COA7: variants seen among roughly 807,000 people sequenced by gnomAD.
COA7 encodes cytochrome c oxidase assembly factor 7, also known as Sel1 repeat containing 1.
Under a neutral mutation model 21.0 loss-of-function variants are expected in COA7, and 12 were observed. That is an observed-to-expected ratio of 0.57 (90% CI 0.37 to 0.92). The LOEUF is 0.92. Among genes scored for constraint, COA7 ranks in the 40% least tolerant of loss-of-function variants. COA7 has a pLI of 0.01. For synonymous variants in COA7, 95 were observed against 107.4 expected (o/e 0.88, Z 0.72); for missense variants, 240 against 286.1 (o/e 0.84, Z 1.16).
chr1:52,693,605 TAAA>T lies in COA7; in HGVS notation c.107-741_107-739del, dbSNP rs565539055. ...TGGGTGACAGAACGAGACTCTGTCT[TAAA>T]AAAAAAAAAAAAAAGAAAGAAAGAA... On this transcript the variant is annotated intron_variant, in intron 1 of 2. Transcript: ENST00000371538. Among the ~76,000 whole-genome samples, 35 of 117,634 alleles carry T rather than the reference TAAA, an allele frequency of 3.0e-4. No homozygotes were observed. In the South Asian group the frequency reaches 6.5e-3, roughly 22 times the overall value. 77.2% of individuals were successfully genotyped at this position (117,634 alleles called of 152,430 possible).
intron 2 of COA7, 47 bp from the exon 3 acceptor site, chr1:52,688,215 A>G (rs1411442158): frequency 2.0e-6 from 3 of 1,494,304 alleles, no homozygotes; most frequent in Non-Finnish European, 2.7e-6. Flanking sequence ...CCAGGGCACA[A>G]CCTAAATGTC....
intron 2 of COA7, among the ~76,000 whole-genome samples, chr1:52,688,513 G>C (rs1326737459): frequency 1.3e-5 from 2 of 152,160 alleles, no homozygotes; most frequent in African/African-American, 4.8e-5. Flanking sequence ...CTCCCAAAGT[G>C]CTGGAATTAC....
intron 1 of COA7, among the ~76,000 whole-genome samples, chr1:52,693,450 A>T (rs978564252): frequency 6.6e-6 from 1 of 151,804 alleles, no homozygotes; most frequent in South Asian, 2.1e-4. Flanking sequence ...GGAAAAATAT[A>T]AAAAAATTAG....
At chr1:52,695,396 C>T (rs534860093) in intron 1 of COA7, among the ~76,000 whole-genome samples, 1 of 151,498 alleles carries the variant, frequency 6.6e-6, no homozygotes, top group South Asian at 2.1e-4. Flanking sequence ...ACCTGGGAGG[C>T]AGAGGTTGCA....
chr1:52,694,190 T>C (rs1382980597), intron 1 of COA7, among the ~76,000 whole-genome samples: 1 of 152,030 alleles, frequency 6.6e-6, no homozygotes. Context: ...TTGGTTACAT[T>C]AAAAGCCCAG....
chr1:52,687,589 A>G lies in COA7; in HGVS notation c.*131T>C. On this transcript the variant is annotated 3_prime_UTR_variant, in exon 3 of 3. Coordinates refer to ENST00000371538, the MANE Select transcript of COA7 (RefSeq NM_023077.3). ...GTAGCTGGGGCAATGGATCCATGTA[A>G]ATGGAGCTACAAATTCAAGTCCCAA... 1 of 753,326 alleles carries G rather than the reference A, an allele frequency of 1.3e-6. No individual in the cohort carries two copies. Among genetic ancestry groups the G allele is most frequent in the Non-Finnish European group, 2.2e-6 (1 of 458,076 alleles). 46.7% of individuals were successfully genotyped at this position (753,326 alleles called of 1,614,324 possible).
rs116388169 is a variant in COA7 at position 52,690,644 on chromosome 1, T to A, written c.247+2083A>T. Among the ~76,000 whole-genome samples the A allele has an allele frequency of 4.1e-3, 620 of 151,606 alleles. 6 individuals carry two copies. The highest frequency in any genetic ancestry group is 0.014 in the African/African-American group (569 of 41,322). On this transcript the variant is annotated intron_variant, in intron 2 of 2. Coordinates refer to ENST00000371538, the MANE Select transcript of COA7 (RefSeq NM_023077.3). ...TAGAAAAAATATTAAAAGGTTAGAA[T>A]CATTTTTATTTTCATTTATTTACAT...
chr1:52,688,371 T>C (rs1644022433), intron 2 of COA7, among the ~76,000 whole-genome samples: 1 of 151,930 alleles, frequency 6.6e-6, no homozygotes, highest in African/African-American at 2.4e-5. Context: ...CCTCCCCAAG[T>C]AGCTGGGACT....
intron 1 of COA7, among the ~76,000 whole-genome samples, chr1:52,694,012 A>G (rs918769532): frequency 6.6e-6 from 1 of 152,248 alleles, no homozygotes; most frequent in Non-Finnish European, 1.5e-5. Flanking sequence ...CAACTCAGAA[A>G]CAGGAAGTGA....
intron 2 of COA7, among the ~76,000 whole-genome samples, chr1:52,690,772 G>A (rs938876462): frequency 3.3e-5 from 5 of 151,750 alleles, no homozygotes; most frequent in African/African-American, 9.7e-5. Flanking sequence ...TCCACCTCCC[G>A]GGCTCAAGTG....
Position 52,687,691 on chromosome 1 carries a change from T to C in COA7, c.*29A>G, listed in dbSNP as rs1407489972. On this transcript the variant is annotated 3_prime_UTR_variant, in exon 3 of 3. Coordinates refer to ENST00000371538, the MANE Select transcript of COA7 (RefSeq NM_023077.3). ...ACAGGAGCTGCCAGCCTCAAGCAGT[T>C]TGTTGCCTGGGAGGGAGGGTGGACC... 6.3e-7 allele frequency: 1 copy of C among 1,598,260 alleles called. No homozygotes were observed. Among genetic ancestry groups the C allele is most frequent in the Admixed American group, 1.7e-5 (1 of 59,260 alleles).
chr1:52,692,336 A>G (rs1331441180), intron 2 of COA7, among the ~76,000 whole-genome samples: 1 of 152,242 alleles, frequency 6.6e-6, no homozygotes, highest in Non-Finnish European at 1.5e-5. Flanking sequence ...GAGTACAAGG[A>G]GAAAAGACAG....
chr1:52,694,461 G>GGAAAAAAAAA (rs751466526), intron 1 of COA7, among the ~76,000 whole-genome samples: 1 of 65,000 alleles, frequency 1.5e-5, no homozygotes, highest in Non-Finnish European at 3.1e-5. Context: ...ACTCCATCTC[G>GGAAAAAAAAA]AAAAAAAAAA....
intron 1 of COA7, among the ~76,000 whole-genome samples, chr1:52,694,550 A>C (rs1003618924): frequency 3.9e-5 from 6 of 152,064 alleles, no homozygotes; most frequent in African/African-American, 1.4e-4. Flanking sequence ...AAATTTATAC[A>C]AATAAATACA....
rs1223929154 is a variant in COA7 at position 52,687,639 on chromosome 1, C to CT, written c.*80dup. 1 of 1,422,658 alleles carries CT rather than the reference C, an allele frequency of 7.0e-7. No individual in the cohort carries two copies. Among genetic ancestry groups the CT allele is most frequent in the Non-Finnish European group, 9.6e-7 (1 of 1,046,778 alleles). 88.1% of individuals were successfully genotyped at this position (1,422,658 alleles called of 1,614,324 possible). A position where few individuals can be genotyped will look rare whatever the true frequency, so the allele number is the denominator to read the frequency against. On this transcript the variant is annotated 3_prime_UTR_variant, in exon 3 of 3. Coordinates refer to ENST00000371538, the MANE Select transcript of COA7 (RefSeq NM_023077.3). ...AGTTTTTTTGCTCCAGCAGGTTGAC[C>CT]TTCAAGGGCTGCATCAGTCTTCAGA...
chr1:52,693,277 C>T (rs1243533738), intron 1 of COA7, among the ~76,000 whole-genome samples: 1 of 152,076 alleles, frequency 6.6e-6, no homozygotes, highest in East Asian at 1.9e-4. Context: ...GTCTTTGTAG[C>T]AGCAAGAAAA....
intron 1 of COA7, among the ~76,000 whole-genome samples, chr1:52,693,289 G>A (rs761934986): frequency 3.3e-5 from 5 of 152,096 alleles, no homozygotes; most frequent in African/African-American, 4.8e-5. Flanking sequence ...GCAAGAAAAG[G>A]GTGCTGGGCC....
At chr1:52,688,322 C>T (rs1366593794) in intron 2 of COA7, among the ~76,000 whole-genome samples, 154 bp from the exon 3 acceptor site, 1 of 151,784 alleles carries the variant, frequency 6.6e-6, no homozygotes, top group African/African-American at 2.4e-5. Flanking sequence ...CGGCTCACTG[C>T]AGCCTCAACC....
In COA7 at chr1:52,687,630, C is replaced by G; in HGVS notation, c.*90G>C. On this transcript the variant is annotated 3_prime_UTR_variant, in exon 3 of 3. Transcript: ENST00000371538. ...CAAGTCCCAAGTTTTTTTGCTCCAG[C>G]AGGTTGACCTTCAAGGGCTGCATCA... 1 of 1,309,216 alleles carries G rather than the reference C, an allele frequency of 7.6e-7. No homozygotes were observed. Among genetic ancestry groups the G allele is most frequent in the Admixed American group, 2.5e-5 (1 of 39,396 alleles). 81.1% of individuals were successfully genotyped at this position (1,309,216 alleles called of 1,614,324 possible).
Sources: allele counts gnomAD v4.1 joint callset (sites outside exome capture counted in the v4.1 genomes callset), GRCh38; gene constraint gnomAD v4.1.1; transcripts MANE v1.5; gene names NCBI Gene and HGNC (gene_info 2026-07-23, HGNC 2026-07-21).